Variants in ADAM19 observed in about 807,000 individuals in gnomAD.
The protein encoded by ADAM19 is disintegrin and metalloproteinase domain-containing protein 19.
In ADAM19, 65 loss-of-function variants were observed where a neutral mutation model predicts 114.7. The ratio of observed to expected loss-of-function variants is 0.57; its 90% CI spans 0.46 to 0.70. ADAM19 has a LOEUF of 0.70. ADAM19 is among the 30% of genes least tolerant of loss of function. ADAM19 has a pLI of 0.00. For missense variants in ADAM19, 1,063 were observed against 1,204.7 expected, an observed-to-expected ratio of 0.88 and a Z score of 1.74; for synonymous variants, 466 against 460.5, an observed-to-expected ratio of 1.01 and a Z score of -0.15.
At chr5:157,509,663 C>T (rs929126951) in intron 8 of ADAM19, among the ~76,000 whole-genome samples, 196 bp from the exon 9 acceptor site, 3 of 152,192 alleles carry the variant, frequency 2.0e-5, no homozygotes, top group African/African-American at 7.2e-5. Flanking sequence ...CTGCCCATGG[C>T]TCCAACAGAA....
At chr5:157,562,797 G>A (rs976048253) in intron 3 of ADAM19, among the ~76,000 whole-genome samples, 6 of 152,172 alleles carry the variant, frequency 3.9e-5, no homozygotes, top group Non-Finnish European at 8.8e-5. Context: ...CCTATGGTCT[G>A]TAGCAAATGT....
At chr5:157,542,695 C>T (rs1756947913) in intron 3 of ADAM19, among the ~76,000 whole-genome samples, 1 of 152,220 alleles carries the variant, frequency 6.6e-6, no homozygotes, top group African/African-American at 2.4e-5. Context: ...ATCCCAGCTA[C>T]TCAGGAGGCT....
Position 157,504,629 on chromosome 5 carries a change from T to A in ADAM19, c.1130+1040A>T, listed in dbSNP as rs115011110. Among the ~76,000 whole-genome samples the A allele has an allele frequency of 8.9e-3, 1,350 of 152,256 alleles. 29 individuals are homozygous for A. The highest frequency in any genetic ancestry group is 0.031 in the African/African-American group (1,276 of 41,546). On this transcript the variant is annotated intron_variant, in intron 11 of 22. Coordinates refer to ENST00000257527, the MANE Select transcript of ADAM19 (RefSeq NM_033274.5). ...AGAGCTCTAAGAAAGCTGCACTGTT[T>A]CTTGGAGACATTGAAACACCATTCT...
rs1254962495 is a variant in ADAM19 at position 157,479,331 on chromosome 5, T to G, written c.*1618A>C. On this transcript the variant is annotated 3_prime_UTR_variant, in exon 23 of 23. Transcript: ENST00000257527. The stretch of plus-strand genomic sequence containing the variant: ...GAACTATAAGGAGGCCCTGGGGTGG[T>G]GAATCAGAAGCTCAGCCTCAGCCTT... 1.0e-6 allele frequency: 1 copy of G among 985,754 alleles called. No homozygotes were observed. The highest frequency in any genetic ancestry group is 1.2e-6 in the Non-Finnish European group (1 of 830,026). The allele number at this position is 985,754 out of a possible 1,614,324, so 61.1% of individuals were successfully genotyped here. A position where few individuals can be genotyped will look rare whatever the true frequency, so the allele number is the denominator to read the frequency against.
At chr5:157,568,582 A>G (rs556811585) in intron 2 of ADAM19, 12 of 152,138 alleles carry the variant, frequency 7.9e-5, no homozygotes, top group African/African-American at 2.7e-4. Context: ...TTTCCCCTTC[A>G]GTCTAGATTA....
At chr5:157,532,608 G>A (rs1051191682) in intron 4 of ADAM19, among the ~76,000 whole-genome samples, 3 of 152,144 alleles carry the variant, frequency 2.0e-5, no homozygotes, top group Non-Finnish European at 2.9e-5. Flanking sequence ...GCCAAGTTCT[G>A]GAAAGATCTC....
rs200533919 is a variant in ADAM19, at chr5:157,535,810, A to G, written c.330+2103T>C. ...TAGCAGGAAGCGTGAGCTCATGGCA[A>G]ATTCGTGGACTGAGACCCATTCTTG... On this transcript the variant is annotated intron_variant, in intron 4 of 22. Transcript: ENST00000257527. Among the ~76,000 whole-genome samples the G allele has an allele frequency of 2.0e-5, 3 of 152,234 alleles. No homozygotes were observed. In the East Asian group the frequency reaches 5.8e-4, roughly 29 times the overall value.
intron 22 of ADAM19, 181 bp downstream of exon 22, chr5:157,481,610 A>T: frequency 6.5e-7 from 1 of 1,540,618 alleles, no homozygotes; most frequent in Non-Finnish European, 8.8e-7. Flanking sequence ...TTTCACATGA[A>T]GCCAAAACTC....
Position 157,480,077 on chromosome 5 carries a change from C to CG in ADAM19, c.*871dup, listed in dbSNP as rs1581279174. On this transcript the variant is annotated 3_prime_UTR_variant, in exon 23 of 23. Transcript: ENST00000257527. Reference sequence around the variant, plus strand: ...TGTAGGTCACAAGCACCTGGTCACCCGAAGGTCAGGACTGCTGAGGGTTTG... The same window carrying CG: ...TGTAGGTCACAAGCACCTGGTCACCCGGAAGGTCAGGACTGCTGAGGGTTTG... The CG allele has an allele frequency of 1.0e-6, 1 of 985,788 alleles. No individual in the cohort carries two copies. 61.1% of individuals were successfully genotyped at this position (985,788 alleles called of 1,614,324 possible). A position where few individuals can be genotyped will look rare whatever the true frequency, so the allele number is the denominator to read the frequency against.
intron 15 of ADAM19, among the ~76,000 whole-genome samples, chr5:157,493,383 T>C (rs1755240058): frequency 6.6e-6 from 1 of 152,162 alleles, no homozygotes; most frequent in African/African-American, 2.4e-5. Context: ...TCCTTGACCC[T>C]GAGCAAATCT....
chr5:157,499,636 G>A lies in ADAM19; in HGVS notation c.1335C>T (p.Ala445=). 1 of 1,613,040 alleles carries A rather than the reference G, an allele frequency of 6.2e-7. No homozygotes were observed. Among genetic ancestry groups the A allele is most frequent in the Non-Finnish European group, 8.5e-7 (1 of 1,179,630 alleles). Residue 445 remains alanine (A), a synonymous_variant, in exon 13 of 23, where the codon GCC becomes GCT. Coordinates refer to ENST00000257527, the MANE Select transcript of ADAM19 (RefSeq NM_033274.5). ...EEECNNPCCN[A]SNCTLRPGAE... ...CCCCCGGCCTCAGGGTACAATTAGA[G>A]GCATTGCAGCAGGGGTTGTTACATT...
chr5:157,563,678 A>G (rs1026104751), intron 3 of ADAM19, among the ~76,000 whole-genome samples: 7 of 152,200 alleles, frequency 4.6e-5, no homozygotes, highest in Admixed American at 2.6e-4. Context: ...AGAGCTCTTC[A>G]TGGCTAAGTA....
At chr5:157,505,915 C>G in intron 10 of ADAM19, 107 bp from the exon 11 acceptor site, 1 of 1,302,094 alleles carries the variant, frequency 7.7e-7, no homozygotes, top group South Asian at 1.5e-5. Context: ...ACCAATTCCA[C>G]TGTCACTGAG....
chr5:157,553,097 A>G (rs1757250397), intron 3 of ADAM19, among the ~76,000 whole-genome samples: 1 of 152,222 alleles, frequency 6.6e-6, no homozygotes, highest in African/African-American at 2.4e-5. Flanking sequence ...GAATAGAAAA[A>G]ATGAATAAGA....
intron 5 of ADAM19, among the ~76,000 whole-genome samples, chr5:157,527,311 C>T (rs1037885821): frequency 6.6e-6 from 1 of 151,982 alleles, no homozygotes; most frequent in Admixed American, 6.6e-5. Flanking sequence ...CCCGGGTTCA[C>T]GCCATTCTCC....
chr5:157,572,954 G>A (rs932995820), intron 1 of ADAM19, among the ~76,000 whole-genome samples: 1 of 152,172 alleles, frequency 6.6e-6, no homozygotes, highest in African/African-American at 2.4e-5. Flanking sequence ...GGAGGCTGAG[G>A]CACGAGAATC....
In ADAM19 at chr5:157,575,748, C is replaced by G; in HGVS notation, c.-52G>C. 1.6e-6 allele frequency: 2 copies of G among 1,224,136 alleles called. No individual in the cohort carries two copies. Among genetic ancestry groups the G allele is most frequent in the Non-Finnish European group, 2.1e-6 (2 of 972,650 alleles). 75.8% of individuals were successfully genotyped at this position (1,224,136 alleles called of 1,614,324 possible). ...GCTCACACGCCCTCAGCCATACCTG[C>G]CCACTGCCCGGCGGTGGAGGCGCGT... On this transcript the variant is annotated 5_prime_UTR_variant, in exon 1 of 23. Transcript: ENST00000257527.
At chr5:157,538,512 A>T (rs1387251558) in intron 3 of ADAM19, among the ~76,000 whole-genome samples, 1 of 152,224 alleles carries the variant, frequency 6.6e-6, no homozygotes, top group Non-Finnish European at 1.5e-5. Flanking sequence ...CAGTGGAGAG[A>T]TACTGCCAGG....
At chr5:157,566,105 T>A (rs1235186662) in intron 2 of ADAM19, 1 of 119,878 alleles carries the variant, frequency 8.3e-6, no homozygotes, top group African/African-American at 4.1e-5. Context: ...CGAGACTCTG[T>A]CTCAAAAAAA....
Sources: gnomAD v4.1 joint callset for allele counts (sites outside exome capture counted in the v4.1 genomes callset) on GRCh38, gnomAD v4.1.1 for gene constraint, MANE v1.5 for transcripts, NCBI Gene and HGNC (gene_info 2026-07-23, HGNC 2026-07-21) for gene names.